The following ASCC3 variants were observed in gnomAD, a reference collection of about 807,000 sequenced individuals.
The protein encoded by ASCC3 is ASC-1 complex subunit P200.
A neutral mutation model predicts 256.3 loss-of-function variants in ASCC3; 158 were observed. That is an observed-to-expected ratio of 0.62 (90% CI 0.54 to 0.70). The LOEUF (loss-of-function observed/expected upper bound fraction) is 0.70, where lower values mean the gene tolerates loss of function less well. Ranked by LOEUF, ASCC3 falls within the 30% of genes least tolerant of loss-of-function variation. The pLI is 0.00. For synonymous variants in ASCC3, 948 were observed against 883.4 expected, an observed-to-expected ratio of 1.07 and a Z score of -1.30; for missense variants, 2,259 against 2,626.0, an observed-to-expected ratio of 0.86 and a Z score of 3.05.
intron 10 of ASCC3, among the ~76,000 whole-genome samples, chr6:100,727,258 T>C (rs1315916559): frequency 1.3e-5 from 2 of 152,042 alleles, no homozygotes; most frequent in East Asian, 1.9e-4. Flanking sequence ...AATCTACTAA[T>C]TGAATACTAC....
intron 1 of ASCC3, among the ~76,000 whole-genome samples, chr6:100,879,510 A>G (rs995710561): frequency 2.6e-5 from 4 of 152,152 alleles, no homozygotes; most frequent in African/African-American, 4.8e-5. Flanking sequence ...TTAGCATACA[A>G]AAAGGCAAAA....
At chr6:100,625,993 T>C (rs1048331577) in intron 29 of ASCC3, among the ~76,000 whole-genome samples, 3 of 151,812 alleles carry the variant, frequency 2.0e-5, no homozygotes, top group Admixed American at 1.3e-4. Flanking sequence ...AGTATCTGAG[T>C]AATGGGACAT....
chr6:100,793,027 C>G (rs1216951180), intron 8 of ASCC3, among the ~76,000 whole-genome samples: 1 of 151,746 alleles, frequency 6.6e-6, no homozygotes, highest in Non-Finnish European at 1.5e-5. Flanking sequence ...CATTCCAAAC[C>G]CATGTGGAGT....
chr6:100,700,325 C>T (rs143852521), intron 13 of ASCC3, among the ~76,000 whole-genome samples: 2,362 of 152,252 alleles, frequency 0.016, 24 homozygotes, highest in East Asian at 0.045. Context: ...GTTTGGGAAC[C>T]TCTGCCTAGA....
chr6:100,778,552 T>A (rs1316468639), intron 8 of ASCC3, among the ~76,000 whole-genome samples: 1 of 152,156 alleles, frequency 6.6e-6, no homozygotes, highest in Non-Finnish European at 1.5e-5. Context: ...TCAACTGTAT[T>A]TGTGGTCAAT....
chr6:100,750,345 G>A (rs1213435424), intron 10 of ASCC3, among the ~76,000 whole-genome samples: 1 of 152,044 alleles, frequency 6.6e-6, no homozygotes, highest in East Asian at 1.9e-4. Flanking sequence ...TATGGAGAAT[G>A]CCCTTATGTT....
chr6:100,608,882 G>A (rs1773240824), intron 30 of ASCC3, among the ~76,000 whole-genome samples: 1 of 143,744 alleles, frequency 7.0e-6, no homozygotes, highest in Non-Finnish European at 1.5e-5. Flanking sequence ...TCCTGCCTCA[G>A]CCTCCCGAGT....
intron 10 of ASCC3, among the ~76,000 whole-genome samples, chr6:100,738,317 G>A (rs564478376): frequency 1.3e-5 from 2 of 152,290 alleles, no homozygotes; most frequent in South Asian, 2.1e-4. Flanking sequence ...CAGTGGTACT[G>A]TCTAGATTTT....
At chr6:100,620,815 A>T (rs1773913719) in intron 30 of ASCC3, among the ~76,000 whole-genome samples, 1 of 152,180 alleles carries the variant, frequency 6.6e-6, no homozygotes. Flanking sequence ...CCAGCCCAGA[A>T]TATTACGGAA....
chr6:100,859,115 A>C (rs1206160224), intron 3 of ASCC3: 1 of 779,916 alleles, frequency 1.3e-6, no homozygotes, highest in Non-Finnish European at 2.4e-6. Context: ...TTGTCATCTT[A>C]GTCCTCTGAA....
chr6:100,853,420 C>CTTTTTTT (rs11299576), intron 3 of ASCC3, among the ~76,000 whole-genome samples: 2 of 127,668 alleles, frequency 1.6e-5, no homozygotes, highest in Non-Finnish European at 1.7e-5. Flanking sequence ...ATAAATATTC[C>CTTTTTTT]TTTTTTTTTT....
intron 36 of ASCC3, among the ~76,000 whole-genome samples, chr6:100,560,791 A>G (rs1156960957): frequency 4.7e-5 from 7 of 149,840 alleles, no homozygotes; most frequent in East Asian, 4.0e-4. Context: ...ACACACACAC[A>G]CGCACACATA....
chr6:100,705,875 C>T (rs1013374016), intron 13 of ASCC3, among the ~76,000 whole-genome samples: 2 of 151,918 alleles, frequency 1.3e-5, no homozygotes, highest in Non-Finnish European at 2.9e-5. Context: ...ATGTAATTGG[C>T]TGCTTAATAA....
chr6:100,669,001 A>C (rs1776610017), intron 14 of ASCC3, among the ~76,000 whole-genome samples: 1 of 151,558 alleles, frequency 6.6e-6, no homozygotes, highest in Admixed American at 6.6e-5. Flanking sequence ...AACGAATATA[A>C]ATACTGAAAA....
chr6:100,852,808 GCTGTAAA>G (rs1772748754), intron 3 of ASCC3, among the ~76,000 whole-genome samples: 1 of 152,038 alleles, frequency 6.6e-6, no homozygotes. Context: ...AATAACATAA[GCTGTAAA>G]CCGGAAAACT....
chr6:100,743,613 A>G (rs1361410995), intron 10 of ASCC3, among the ~76,000 whole-genome samples: 1 of 152,142 alleles, frequency 6.6e-6, no homozygotes, highest in Non-Finnish European at 1.5e-5. Flanking sequence ...CATGGTTTCA[A>G]TTCTATATTT....
intron 14 of ASCC3, 82 bp from the exon 15 acceptor site, chr6:100,662,618 AAGAAATC>A (rs1341879919): frequency 2.3e-6 from 3 of 1,294,046 alleles, no homozygotes; most frequent in Non-Finnish European, 3.3e-6. Flanking sequence ...GAGTTCATCA[AAGAAATC>A]AGAAAATTAT....
At chr6:100,753,217 T>G (rs894791829) in intron 10 of ASCC3, among the ~76,000 whole-genome samples, 6 of 151,560 alleles carry the variant, frequency 4.0e-5, no homozygotes, top group Admixed American at 6.6e-5. Flanking sequence ...AAATTGAAAT[T>G]AGAGAAAGAA....
intron 36 of ASCC3, among the ~76,000 whole-genome samples, chr6:100,547,614 C>T (rs1769045323): frequency 6.6e-6 from 1 of 151,646 alleles, no homozygotes; most frequent in African/African-American, 2.4e-5. Context: ...ATTAGAATGG[C>T]CAAAATTAAA....
Sources: gnomAD v4.1 joint callset for allele counts (sites outside exome capture counted in the v4.1 genomes callset) on GRCh38, gnomAD v4.1.1 for gene constraint, MANE v1.5 for transcripts, NCBI Gene and HGNC (gene_info 2026-07-23, HGNC 2026-07-21) for gene names.